Variants in CADPS2 observed in about 807,000 individuals in gnomAD.
The protein encoded by CADPS2 is calcium-dependent secretion activator 2.
CADPS2 carries 93 observed loss-of-function variants against 172.5 expected under a neutral mutation model. The ratio of observed to expected loss-of-function variants is 0.54; its 90% CI spans 0.46 to 0.64. The LOEUF is 0.64. Among genes scored for constraint, CADPS2 ranks in the 30% least tolerant of loss-of-function variants. The pLI, the probability that CADPS2 is intolerant of heterozygous loss-of-function variation, is 0.00. For synonymous variants in CADPS2, 546 were observed against 555.2 expected (o/e 0.98, Z 0.23); for missense variants, 1,420 against 1,565.9 (o/e 0.91, Z 1.57).
At chr7:122,727,907 C>T (rs2091268569) in intron 2 of CADPS2, among the ~76,000 whole-genome samples, 1 of 151,906 alleles carries the variant, frequency 6.6e-6, no homozygotes, top group Non-Finnish European at 1.5e-5. Flanking sequence ...ATGTGATCTG[C>T]AGAGCTCAGT....
chr7:122,481,908 T>C (rs2057346291), intron 11 of CADPS2, among the ~76,000 whole-genome samples: 1 of 152,018 alleles, frequency 6.6e-6, no homozygotes, highest in Non-Finnish European at 1.5e-5. Flanking sequence ...CTGCTGAGAT[T>C]ACTTGGGAGG....
At chr7:122,347,204 G>GA (rs928598572) in intron 27 of CADPS2, among the ~76,000 whole-genome samples, 7 of 147,464 alleles carry the variant, frequency 4.7e-5, no homozygotes, top group African/African-American at 1.7e-4. Flanking sequence ...ACCATTGCTG[G>GA]AAAAAACAAC....
chr7:122,729,861 A>G (rs181164485), intron 2 of CADPS2, among the ~76,000 whole-genome samples: 9 of 151,724 alleles, frequency 5.9e-5, no homozygotes, highest in African/African-American at 2.2e-4. Flanking sequence ...GAGGGGTGGT[A>G]ACTGGAATGA....
intron 8 of CADPS2, among the ~76,000 whole-genome samples, chr7:122,529,081 T>C (rs2061530230): frequency 6.6e-6 from 1 of 152,158 alleles, no homozygotes; most frequent in Admixed American, 6.6e-5. Context: ...ATATACATAT[T>C]ATTACTTTTG....
chr7:122,645,952 C>T (rs2078505983), intron 3 of CADPS2, among the ~76,000 whole-genome samples: 1 of 151,562 alleles, frequency 6.6e-6, no homozygotes, highest in African/African-American at 2.4e-5. Flanking sequence ...TAATTATTTA[C>T]TAACTATACT....
intron 8 of CADPS2, among the ~76,000 whole-genome samples, chr7:122,531,976 A>G (rs1459178603): frequency 2.6e-5 from 4 of 151,870 alleles, no homozygotes; most frequent in Admixed American, 2.6e-4. Flanking sequence ...GGTTGCAGTG[A>G]GCCAAGATCG....
At chr7:122,398,020 T>C (rs2045400385) in intron 20 of CADPS2, among the ~76,000 whole-genome samples, 1 of 152,142 alleles carries the variant, frequency 6.6e-6, no homozygotes, top group African/African-American at 2.4e-5. Context: ...ATCAATGACA[T>C]CGAGCCCTAT....
chr7:122,871,472 CA>C lies in CADPS2; in HGVS notation c.339+14526del, dbSNP rs139978599. ...TATATTTATACAGTATTCCCCCCCA[CA>C]AAAAAAAAACAGGATATAAAAACAC... On this transcript the variant is annotated intron_variant, in intron 1 of 29. Coordinates refer to ENST00000449022, the MANE Select transcript of CADPS2 (RefSeq NM_017954.11). 5.8e-3 allele frequency among the ~76,000 whole-genome samples: 837 copies of C among 144,426 alleles called. 1 individual carries two copies. The highest frequency in any genetic ancestry group is 9.3e-3 in the Non-Finnish European group (607 of 65,392). 94.7% of individuals were successfully genotyped at this position (144,426 alleles called of 152,430 possible). A position where few individuals can be genotyped will look rare whatever the true frequency, so the allele number is the denominator to read the frequency against.
chr7:122,737,177 T>G lies in CADPS2; in HGVS notation c.340-109A>C, dbSNP rs75183110. 5.7e-3 allele frequency: 3,531 copies of G among 615,438 alleles called. 18 individuals are homozygous for G. Among genetic ancestry groups the G allele is most frequent in the Non-Finnish European group, 8.2e-3 (2,846 of 347,898 alleles). The allele number at this position is 615,438 out of a possible 1,614,324, so 38.1% of individuals were successfully genotyped here. Reference sequence around the variant, plus strand: ...TTAGATTTCACATCTAGAATTAACTTTATAGTAAAGAAAAATAAAAGCTAA... The same window carrying G: ...TTAGATTTCACATCTAGAATTAACTGTATAGTAAAGAAAAATAAAAGCTAA... On this transcript the variant is annotated intron_variant, in intron 1 of 29. Coordinates refer to ENST00000449022, the MANE Select transcript of CADPS2 (RefSeq NM_017954.11).
intron 8 of CADPS2, 39 bp downstream of exon 8, chr7:122,554,511 T>G (rs763307591): frequency 2.6e-6 from 4 of 1,540,544 alleles, no homozygotes; most frequent in Non-Finnish European, 3.5e-6. Flanking sequence ...GAAATGAAAT[T>G]CAATAATTCA....
At chr7:122,343,675 A>G (rs980037277) in intron 28 of CADPS2, among the ~76,000 whole-genome samples, 4 of 152,220 alleles carry the variant, frequency 2.6e-5, no homozygotes, top group Admixed American at 6.5e-5. Context: ...CTACTTATAG[A>G]ATGGCTTTAA....
chr7:122,665,528 C>A (rs1267838904), intron 2 of CADPS2, among the ~76,000 whole-genome samples: 1 of 152,178 alleles, frequency 6.6e-6, no homozygotes, highest in Non-Finnish European at 1.5e-5. Context: ...TTTAATACAC[C>A]TAACTTACCT....
chr7:122,418,587 G>A (rs961255357), intron 17 of CADPS2, among the ~76,000 whole-genome samples: 6 of 152,168 alleles, frequency 3.9e-5, no homozygotes, highest in Admixed American at 3.9e-4. Flanking sequence ...TGGATCCTGA[G>A]GGTCTGGTTT....
chr7:122,684,298 T>C (rs1180367910), intron 2 of CADPS2, among the ~76,000 whole-genome samples: 2 of 152,160 alleles, frequency 1.3e-5, no homozygotes, highest in Non-Finnish European at 2.9e-5. Context: ...GAGGACTTAC[T>C]GTACAGAGAG....
chr7:122,710,418 A>T lies in CADPS2; in HGVS notation c.453+26537T>A, dbSNP rs148703621. Among the ~76,000 whole-genome samples the T allele has an allele frequency of 1.0e-3, 154 of 152,204 alleles. 1 individual carries two copies. The highest frequency in any genetic ancestry group is 1.9e-3 in the Non-Finnish European group (126 of 68,002). ...GTATTAAAGCACCAGGCCGTGTGAC[A>T]GATGTGTCATGTAGTGAAATCCAGT... On this transcript the variant is annotated intron_variant, in intron 2 of 29. Coordinates refer to ENST00000449022, the MANE Select transcript of CADPS2 (RefSeq NM_017954.11).
chr7:122,328,639 T>A (rs1229534350), intron 28 of CADPS2: 1 of 152,224 alleles, frequency 6.6e-6, no homozygotes, highest in African/African-American at 2.4e-5. Context: ...AAAATATGTT[T>A]TTTTCTTCTT....
chr7:122,686,714 A>T (rs2083674625), intron 2 of CADPS2, among the ~76,000 whole-genome samples: 1 of 152,208 alleles, frequency 6.6e-6, no homozygotes, highest in Non-Finnish European at 1.5e-5. Context: ...ACCCTGACAG[A>T]GTCTCATTCT....
At chr7:122,557,727 G>A (rs1397159243) in intron 7 of CADPS2, among the ~76,000 whole-genome samples, 2 of 152,122 alleles carry the variant, frequency 1.3e-5, no homozygotes, top group African/African-American at 4.8e-5. Flanking sequence ...AAACAACTTG[G>A]TGGCCACAAG....
chr7:122,832,746 T>C (rs1013427677), intron 1 of CADPS2, among the ~76,000 whole-genome samples: 3 of 152,190 alleles, frequency 2.0e-5, no homozygotes, highest in Non-Finnish European at 4.4e-5. Flanking sequence ...GACAAAACTT[T>C]AATAGTGGAG....
Sources: gnomAD v4.1 joint callset for allele counts (sites outside exome capture counted in the v4.1 genomes callset) on GRCh38, gnomAD v4.1.1 for gene constraint, MANE v1.5 for transcripts, NCBI Gene and HGNC (gene_info 2026-07-23, HGNC 2026-07-21) for gene names.